The following EPHA4 variants were observed in gnomAD, a reference collection of about 807,000 sequenced individuals.
EPHA4 encodes the protein EPH receptor A4.
EPHA4 carries 19 observed loss-of-function variants against 108.3 expected under a neutral mutation model. That is an observed-to-expected ratio of 0.18 (90% CI 0.12 to 0.26). EPHA4 has a LOEUF of 0.26. Among genes scored for constraint, EPHA4 ranks in the 10% least tolerant of loss-of-function variants. The pLI is 1.00. For missense variants in EPHA4, 917 were observed against 1,254.0 expected, an observed-to-expected ratio of 0.73 and a Z score of 4.06; for synonymous variants, 449 against 455.5, an observed-to-expected ratio of 0.99 and a Z score of 0.18.
intron 4 of EPHA4, among the ~76,000 whole-genome samples, chr2:221,491,929 C>T (rs891468208): frequency 6.6e-6 from 1 of 151,876 alleles, no homozygotes; most frequent in Non-Finnish European, 1.5e-5. Flanking sequence ...GGTGGGAGAA[C>T]TGCTTGAGCT....
At chr2:221,441,255 G>C (rs1690419983) in intron 11 of EPHA4, among the ~76,000 whole-genome samples, 1 of 144,574 alleles carries the variant, frequency 6.9e-6, no homozygotes, top group South Asian at 2.2e-4. Flanking sequence ...GAGTCCAGGT[G>C]CCTCTGTCAC....
chr2:221,452,027 C>T (rs914320846), intron 8 of EPHA4, among the ~76,000 whole-genome samples: 1 of 152,216 alleles, frequency 6.6e-6, no homozygotes, highest in Non-Finnish European at 1.5e-5. Flanking sequence ...CAACTGTGAG[C>T]CTGAGGCTGC....
chr2:221,525,383 G>C (rs560265190), intron 3 of EPHA4, among the ~76,000 whole-genome samples: 1 of 152,182 alleles, frequency 6.6e-6, no homozygotes, highest in African/African-American at 2.4e-5. Flanking sequence ...GTTACCATAT[G>C]CTCCGTAAAT....
At chr2:221,502,562 C>A (rs1287836270) in intron 3 of EPHA4, 2 of 471,358 alleles carry the variant, frequency 4.2e-6, no homozygotes, top group Non-Finnish European at 8.8e-6. Flanking sequence ...CATGAAACTG[C>A]TTGATTCTCT....
chr2:221,482,672 AG>A lies in EPHA4; in HGVS notation c.997del (p.Leu333Ter). ...MPCTRPPSAP[L>X]NLISNVNETS... is the part of the protein sequence containing the mutation. ...CTCGTTGACATTTGAAATCAAGTTC[AG>A]GGGAGCAGATGGTGGACCTGGAGAA... On this transcript the variant is annotated frameshift_variant, in exon 5 of 18. Transcript: ENST00000281821. LOFTEE classifies it high-confidence loss of function. The A allele has an allele frequency of 6.3e-7, 1 of 1,597,778 alleles. No homozygotes were observed. Among genetic ancestry groups the A allele is most frequent in the East Asian group, 2.3e-5 (1 of 44,394 alleles).
intron 4 of EPHA4, among the ~76,000 whole-genome samples, chr2:221,486,628 G>A (rs983103072): frequency 4.0e-5 from 6 of 151,790 alleles, no homozygotes; most frequent in African/African-American, 1.2e-4. Context: ...CAGCTACTTG[G>A]GAGGCTGAGG....
intron 8 of EPHA4, among the ~76,000 whole-genome samples, chr2:221,448,407 A>C (rs957145507): frequency 6.6e-6 from 1 of 152,188 alleles, no homozygotes; most frequent in African/African-American, 2.4e-5. Context: ...ATTACGTTTT[A>C]TATCAGTACA....
chr2:221,480,336 A>G (rs1691782527), intron 5 of EPHA4, among the ~76,000 whole-genome samples: 1 of 152,134 alleles, frequency 6.6e-6, no homozygotes, highest in Non-Finnish European at 1.5e-5. Flanking sequence ...CGGTTAAGAA[A>G]ATGATGTAGT....
intron 5 of EPHA4, among the ~76,000 whole-genome samples, chr2:221,478,639 T>C (rs895863321): frequency 6.6e-6 from 1 of 152,172 alleles, no homozygotes; most frequent in Non-Finnish European, 1.5e-5. Context: ...GTTTCTGGCA[T>C]GGGGGTGAGG....
Position 221,456,643 on chromosome 2 carries a change from T to A in EPHA4, c.1573A>T (p.Ser525Cys). 6.2e-7 allele frequency: 1 copy of A among 1,613,916 alleles called. No homozygotes were observed. Among genetic ancestry groups the A allele is most frequent in the Non-Finnish European group, 8.5e-7 (1 of 1,179,856 alleles). ...TTGGTTGTAACCTCCAAGGGCTCAC[T>A]GAAGTCTCCATAGCCAGCTGCTGTC... ...ARTAAGYGDF[S>C]EPLEVTTNTV... is the part of the protein sequence containing the mutation. The change falls in exon 7 of 18, where the codon AGT becomes TGT. Residue 525 changes from serine to cysteine, a missense_variant. Physicochemically the swap from Ser to Cys is moderately radical, Grantham distance 112. Around this residue, in one of 3 missense-constraint regions of EPHA4, gnomAD observed 758 missense variants for 1,076.7 expected, o/e 0.70. Transcript: ENST00000281821.
intron 14 of EPHA4, among the ~76,000 whole-genome samples, chr2:221,431,040 C>A (rs3770205): frequency 0.43 from 65,059 of 151,968 alleles, 14,598 homozygotes; most frequent in East Asian, 0.64. Flanking sequence ...TTTCTTATAG[C>A]CTTTTCTCTA....
At chr2:221,550,602 G>A (rs1330625308) in intron 3 of EPHA4, among the ~76,000 whole-genome samples, 1 of 152,082 alleles carries the variant, frequency 6.6e-6, no homozygotes, top group African/African-American at 2.4e-5. Context: ...CCATGCAATA[G>A]GTATCATTAT....
At chr2:221,547,874 G>C (rs1694046453) in intron 3 of EPHA4, among the ~76,000 whole-genome samples, 1 of 152,204 alleles carries the variant, frequency 6.6e-6, no homozygotes, top group African/African-American at 2.4e-5. Flanking sequence ...GACTTACAAG[G>C]CTGTTTAAGG....
chr2:221,443,480 C>T lies in EPHA4; in HGVS notation c.1888+13G>A. 3 of 1,597,244 alleles carry T rather than the reference C, an allele frequency of 1.9e-6. No individual in the cohort carries two copies. Among genetic ancestry groups the T allele is most frequent in the Non-Finnish European group, 2.6e-6 (3 of 1,165,030 alleles). On this transcript the variant is annotated intron_variant, in intron 10 of 17. Transcript: ENST00000281821. ...AAACAGACTCATTAGCAGACGGACA[C>T]TCAGACACTTACCAACTCCTATAAC... is the stretch of plus-strand genomic sequence containing the variant.
At chr2:221,547,204 C>T (rs1157328442) in intron 3 of EPHA4, among the ~76,000 whole-genome samples, 1 of 152,166 alleles carries the variant, frequency 6.6e-6, no homozygotes. Flanking sequence ...TTGTTTTATT[C>T]TGTAAACGTT....
At chr2:221,455,435 G>A (rs759075730) in intron 8 of EPHA4, 112 bp downstream of exon 8, 1 of 789,308 alleles carries the variant, frequency 1.3e-6, no homozygotes, top group Non-Finnish European at 2.1e-6. Context: ...TTGGGATGCA[G>A]ATGCCAAGTT....
intron 5 of EPHA4, among the ~76,000 whole-genome samples, chr2:221,459,054 C>T (rs910715829): frequency 3.9e-5 from 6 of 152,128 alleles, no homozygotes; most frequent in Admixed American, 1.3e-4. Context: ...GAATGCCAAC[C>T]CCTAACTCCA....
chr2:221,566,125 C>A (rs555808927), intron 2 of EPHA4, among the ~76,000 whole-genome samples: 1 of 152,182 alleles, frequency 6.6e-6, no homozygotes, highest in Non-Finnish European at 1.5e-5. Flanking sequence ...GGAGCCATCA[C>A]TTTCCCTAAT....
At chr2:221,539,342 A>G (rs1460578749) in intron 3 of EPHA4, among the ~76,000 whole-genome samples, 2 of 152,216 alleles carry the variant, frequency 1.3e-5, no homozygotes, top group African/African-American at 4.8e-5. Context: ...ATGGCAGAAC[A>G]ATTACTCACT....
Sources: allele counts gnomAD v4.1 joint callset (sites outside exome capture counted in the v4.1 genomes callset), GRCh38; gene constraint gnomAD v4.1.1; regional missense constraint gnomAD v4.1.1; transcripts MANE v1.5; gene names NCBI Gene and HGNC (gene_info 2026-07-23, HGNC 2026-07-21).